The following SOX5 variants were observed in gnomAD, a reference collection of about 807,000 sequenced individuals.
SOX5 encodes the protein SRY-box transcription factor 5, also known as transcription factor SOX-5.
Under a neutral mutation model 92.0 loss-of-function variants are expected in SOX5, and 9 were observed. The observed-to-expected ratio is 0.10, with a 90% CI of 0.06 to 0.17. The LOEUF is 0.17. Among genes scored for constraint, SOX5 ranks in the 10% least tolerant of loss-of-function variants. SOX5 has a pLI of 1.00. For synonymous variants in SOX5, 344 were observed against 336.3 expected, an observed-to-expected ratio of 1.02 and a Z score of -0.25; for missense variants, 642 against 944.5, an observed-to-expected ratio of 0.68 and a Z score of 4.20.
intron 4 of SOX5, among the ~76,000 whole-genome samples, chr12:24,141,199 T>C (rs974189838): frequency 6.6e-6 from 1 of 152,214 alleles, no homozygotes; most frequent in Non-Finnish European, 1.5e-5. Flanking sequence ...TTTTTAAACA[T>C]CCTTTTACAT....
intron 4 of SOX5, among the ~76,000 whole-genome samples, chr12:23,968,692 T>C (rs1947876639): frequency 6.6e-6 from 1 of 152,352 alleles, no homozygotes; most frequent in East Asian, 1.9e-4. Flanking sequence ...GGATATTCTG[T>C]TACAGCAGCA....
chr12:23,638,586 A>G (rs1244430289), intron 8 of SOX5: 1 of 152,178 alleles, frequency 6.6e-6, no homozygotes, highest in African/African-American at 2.4e-5. Flanking sequence ...AAAACATCTG[A>G]CTAGGCATTG....
chr12:24,189,107 T>C (rs1201128856), intron 4 of SOX5, among the ~76,000 whole-genome samples: 1 of 152,190 alleles, frequency 6.6e-6, no homozygotes, highest in Non-Finnish European at 1.5e-5. Context: ...TGTGTCTGTC[T>C]GTCATTAGCA....
intron 3 of SOX5, among the ~76,000 whole-genome samples, chr12:23,835,431 C>G (rs1013895754): frequency 4.6e-5 from 7 of 151,678 alleles, no homozygotes; most frequent in African/African-American, 1.7e-4. Context: ...GAATGGAGTC[C>G]TAAAATGTAT....
At chr12:23,594,701 C>G (rs1286604864) in intron 9 of SOX5, among the ~76,000 whole-genome samples, 1 of 152,078 alleles carries the variant, frequency 6.6e-6, no homozygotes, top group Non-Finnish European at 1.5e-5. Context: ...AAGTCCTGAA[C>G]ATGAAAAAAT....
chr12:24,212,338 G>A (rs1416123214), intron 4 of SOX5: 3 of 511,150 alleles, frequency 5.9e-6, no homozygotes, highest in Non-Finnish European at 1.2e-5. Flanking sequence ...TTAGGAGTAA[G>A]TCATTTTAAT....
At chr12:24,518,934 CGT>C (rs1479996077) in intron 1 of SOX5, among the ~76,000 whole-genome samples, 2 of 152,034 alleles carry the variant, frequency 1.3e-5, no homozygotes, top group Non-Finnish European at 2.9e-5. Flanking sequence ...ATAATTCTTT[CGT>C]GTGTTTTCTA....
intron 2 of SOX5, among the ~76,000 whole-genome samples, chr12:23,857,662 C>T (rs150768969): frequency 6.6e-6 from 1 of 151,948 alleles, no homozygotes; most frequent in East Asian, 1.9e-4. Context: ...CTAATAGCCA[C>T]TTTTAGATGG....
chr12:24,165,989 A>G (rs1042840652), intron 4 of SOX5, among the ~76,000 whole-genome samples: 1 of 152,186 alleles, frequency 6.6e-6, no homozygotes, highest in Admixed American at 6.5e-5. Context: ...AGAAGCAGCG[A>G]TATGTTTAAA....
At position 23,760,071 on chromosome 12, in the gene SOX5, C is replaced by T. The variant is rs571257697; in HGVS notation, c.482-4347G>A. On this transcript the variant is annotated intron_variant, in intron 3 of 14. Coordinates refer to ENST00000451604, the MANE Select transcript of SOX5 (RefSeq NM_006940.6). Reference sequence around the variant, plus strand: ...CTGAAAATTCCTCCTCCTGAGAGTTCATTCTCCCAAGTACTGGAATATCAT... The same window carrying T: ...CTGAAAATTCCTCCTCCTGAGAGTTTATTCTCCCAAGTACTGGAATATCAT... 4.3e-4 allele frequency among the ~76,000 whole-genome samples: 66 copies of T among 152,152 alleles called. No individual in the cohort carries two copies. The South Asian group carries it at 0.013, about 30-fold the overall frequency.
chr12:24,301,812 G>A lies in SOX5; in HGVS notation c.-173-24500C>T, dbSNP rs74068491. On this transcript the variant is annotated intron_variant, in intron 2 of 4. Transcript: ENST00000446891. The stretch of plus-strand genomic sequence containing the variant: ...CAGGAAGTCAATAAAGCATGCAGAC[G>A]TCAGGGATAAAATGACTATGATCCA... Among the ~76,000 whole-genome samples, 1,394 of 152,220 alleles carry A rather than the reference G, an allele frequency of 9.2e-3. 24 individuals carry two copies. The highest frequency in any genetic ancestry group is 0.032 in the African/African-American group (1,348 of 41,548).
rs147338265 is a variant in SOX5 at position 23,996,500 on chromosome 12, G to A, written c.-1-100476C>T. On this transcript the variant is annotated intron_variant, in intron 4 of 4. Transcript: ENST00000446891. The stretch of plus-strand genomic sequence containing the variant: ...TGAAAAGAAGTACTCAAAAATACTT[G>A]GACATTAAGTGTTCAAAGCAGCACT... Among the ~76,000 whole-genome samples the A allele has an allele frequency of 2.9e-3, 434 of 152,138 alleles. 1 individual carries two copies. The highest frequency in any genetic ancestry group is 1.0e-2 in the African/African-American group (414 of 41,504).
chr12:24,123,563 A>C (rs952813045), intron 4 of SOX5, among the ~76,000 whole-genome samples: 2 of 152,220 alleles, frequency 1.3e-5, no homozygotes, highest in Admixed American at 6.5e-5. Flanking sequence ...TGAAATGTGA[A>C]TAATTGGATA....
intron 2 of SOX5, among the ~76,000 whole-genome samples, chr12:23,861,155 C>T (rs1253288137): frequency 5.9e-5 from 9 of 151,886 alleles, no homozygotes; most frequent in East Asian, 3.9e-4. Context: ...AAATGAGAAA[C>T]GGAAGCAACT....
intron 2 of SOX5, among the ~76,000 whole-genome samples, chr12:23,862,325 G>A (rs1595143504): frequency 6.6e-6 from 1 of 152,086 alleles, no homozygotes; most frequent in Non-Finnish European, 1.5e-5. Flanking sequence ...AATTGCATGA[G>A]CAATAATATT....
At chr12:23,657,409 G>A (rs1450122841) in intron 7 of SOX5, among the ~76,000 whole-genome samples, 1 of 152,078 alleles carries the variant, frequency 6.6e-6, no homozygotes, top group East Asian at 1.9e-4. Flanking sequence ...AAGTCCTTAC[G>A]GAAAATATAT....
chr12:24,498,395 T>C (rs1369911869), intron 1 of SOX5, among the ~76,000 whole-genome samples: 3 of 152,168 alleles, frequency 2.0e-5, no homozygotes, highest in African/African-American at 7.2e-5. Context: ...ACTAAGACCC[T>C]TTGCTGTACT....
At chr12:24,110,900 CAAAA>C (rs67100585) in intron 4 of SOX5, among the ~76,000 whole-genome samples, 20 of 27,588 alleles carry the variant, frequency 7.2e-4, no homozygotes, top group Non-Finnish European at 8.8e-4. Context: ...GACTCCACTT[CAAAA>C]AAAAAAAAAA....
chr12:24,504,197 T>C (rs569016826), intron 1 of SOX5, among the ~76,000 whole-genome samples: 2 of 152,232 alleles, frequency 1.3e-5, no homozygotes, highest in Non-Finnish European at 2.9e-5. Context: ...TTGAACAATT[T>C]AACATCAATA....
Sources: gnomAD v4.1 joint callset for allele counts (sites outside exome capture counted in the v4.1 genomes callset) on GRCh38, gnomAD v4.1.1 for gene constraint, MANE v1.5 for transcripts, NCBI Gene and HGNC (gene_info 2026-07-23, HGNC 2026-07-21) for gene names.